SMG8: variants seen among roughly 807,000 people sequenced by gnomAD.
The protein encoded by SMG8 is nonsense-mediated mRNA decay factor SMG8.
A neutral mutation model predicts 82.1 loss-of-function variants in SMG8; 49 were observed. That is an observed-to-expected ratio of 0.60 (90% CI 0.47 to 0.76). SMG8 has a LOEUF of 0.76. Among genes scored for constraint, SMG8 ranks in the 30% least tolerant of loss-of-function variants. The pLI is 0.00. For missense variants in SMG8, 969 were observed against 1,166.4 expected (o/e 0.83, Z 2.46); for synonymous variants, 404 against 430.0 (o/e 0.94, Z 0.75).
intron 1 of SMG8, 48 bp from the exon 2 acceptor site, chr17:59,212,293 T>G: frequency 6.7e-6 from 10 of 1,499,004 alleles, no homozygotes; most frequent in Non-Finnish European, 9.0e-6. Context: ...GCAAAGTAAA[T>G]TCGCACATTG....
chr17:59,210,172 C>T lies in SMG8; in HGVS notation c.121C>T (p.Pro41Ser), dbSNP rs1422156408. Residue 41 changes from proline to serine, a missense_variant, in exon 1 of 4, where the codon CCA (proline) becomes TCA (serine). Coordinates refer to ENST00000300917, the MANE Select transcript of SMG8 (RefSeq NM_018149.7). ...GGSAAGGPEP[P>S]WREDEICVVG... The stretch of plus-strand genomic sequence containing the variant: ...GAGCGCGGCTGGCGGACCGGAGCCT[C>T]CATGGCGGGAGGATGAGATCTGCGT... 1 of 1,593,136 alleles carries T rather than the reference C, an allele frequency of 6.3e-7. No individual in the cohort carries two copies. The highest frequency in any genetic ancestry group is 1.3e-5 in the African/African-American group (1 of 74,460).
Position 59,213,422 on chromosome 17 carries a change from G to T in SMG8, c.2599G>T (p.Val867Leu). 5 of 1,614,166 alleles carry T rather than the reference G, an allele frequency of 3.1e-6. No homozygotes were observed. In the South Asian group the frequency reaches 4.4e-5, roughly 14 times the overall value. The change falls in exon 3 of 4, where the codon GTA becomes TTA. Residue 867 changes from valine (V) to leucine (L), a missense_variant. Coordinates refer to ENST00000300917, the MANE Select transcript of SMG8 (RefSeq NM_018149.7). ...RRFMCSGPDK[V>L]MKVMGSGPKE... is the part of the protein sequence containing the mutation. ...ATTCATGTGCTCTGGGCCTGACAAA[G>T]TAATGAAAGTAATGGGAAGTGGGCC...
At position 59,211,197 on chromosome 17, in the gene SMG8, G is replaced by T. The variant is rs765725336; in HGVS notation, c.1146G>T (p.Met382Ile). The T allele has an allele frequency of 6.2e-7, 1 of 1,614,254 alleles. No homozygotes were observed. Among genetic ancestry groups the T allele is most frequent in the Non-Finnish European group, 8.5e-7 (1 of 1,180,040 alleles). ...CTGGGCCTAGGCGATACCAGGTGAT[G>T]AGGCAGCACAGCCGACAACAACTTT... ...PLSGPRRYQVMRQHSRQQLSF... is the reference protein window; with the variant it reads ...PLSGPRRYQVIRQHSRQQLSF... The change falls in exon 1 of 4, where the codon ATG (methionine) becomes ATT (isoleucine). Residue 382 changes from methionine (M) to isoleucine (I), a missense_variant. Around this residue, in one of 3 missense-constraint regions of SMG8, gnomAD observed 662 missense variants for 884.8 expected, o/e 0.75. Coordinates refer to ENST00000300917, the MANE Select transcript of SMG8 (RefSeq NM_018149.7).
At chr17:59,214,596 A>G (rs1339664817) in intron 3 of SMG8, among the ~76,000 whole-genome samples, 5 of 151,960 alleles carry the variant, frequency 3.3e-5, no homozygotes, top group South Asian at 4.2e-4. Context: ...TTTAGTAGAC[A>G]TGGGGTTTCT....
chr17:59,211,534 T>C lies in SMG8; in HGVS notation c.1483T>C (p.Phe495Leu). ...LEGFLDIDTK[F>L]SENRCQKALP... ...AGGATTTTTGGATATTGACACAAAA[T>C]TCTCAGAAAACCGATGCCAAAAAGC... is the stretch of plus-strand genomic sequence containing the variant. Residue 495 changes from phenylalanine to leucine, a missense_variant, in exon 1 of 4, where the codon TTC becomes CTC. By Grantham distance (22) the Phe-to-Leu change is conservative. Around this residue, in one of 3 missense-constraint regions of SMG8, gnomAD observed 662 missense variants for 884.8 expected, o/e 0.75. Transcript: ENST00000300917. 1.2e-6 allele frequency: 2 copies of C among 1,614,050 alleles called. No homozygotes were observed. Among genetic ancestry groups the C allele is most frequent in the Non-Finnish European group, 1.7e-6 (2 of 1,180,024 alleles).
At position 59,210,973 on chromosome 17, in the gene SMG8, A is replaced by G. The variant is rs1418494540; in HGVS notation, c.922A>G (p.Ile308Val). Reference sequence around the variant, plus strand: ...GCTGCAGCATGCCCTGGAGGACCAGATCTATAGAATCTTCCGGAAGAGTCG... The same window carrying G: ...GCTGCAGCATGCCCTGGAGGACCAGGTCTATAGAATCTTCCGGAAGAGTCG... ...RRLQHALEDQ[I>V]YRIFRKSRVL... The change falls in exon 1 of 4, where the codon ATC becomes GTC. Residue 308 changes from isoleucine to valine, a missense_variant. Physicochemically the swap from Ile to Val is conservative, Grantham distance 29. Coordinates refer to ENST00000300917, the MANE Select transcript of SMG8 (RefSeq NM_018149.7). 6.2e-6 allele frequency: 10 copies of G among 1,614,214 alleles called. No homozygotes were observed. In the South Asian group the frequency reaches 1.1e-4, roughly 18 times the overall value.
At position 59,213,608 on chromosome 17, in the gene SMG8, A is replaced by T. The variant is rs1187643764; in HGVS notation, c.2778+7A>T. 20 of 1,584,806 alleles carry T rather than the reference A, an allele frequency of 1.3e-5. No individual in the cohort carries two copies. Among genetic ancestry groups the T allele is most frequent in the Non-Finnish European group, 1.7e-5 (20 of 1,168,518 alleles). On this transcript the variant is annotated splice_region_variant and intron_variant, in intron 3 of 3. Coordinates refer to ENST00000300917, the MANE Select transcript of SMG8 (RefSeq NM_018149.7). ...GATAATACTAATGCCTCAGGTAAGA[A>T]ATATAACCCTCTGCAGCCCCAAACA... is the stretch of plus-strand genomic sequence containing the variant.
chr17:59,212,581 A>G, intron 2 of SMG8, 95 bp downstream of exon 2: 2 of 1,501,746 alleles, frequency 1.3e-6, no homozygotes, highest in Non-Finnish European at 1.8e-6. Flanking sequence ...TAAGTAGAAA[A>G]GCAAATGCAA....
Position 59,210,331 on chromosome 17 carries a change from A to C in SMG8, c.280A>C (p.Thr94Pro). ...DPGDPGPGIR[T>P]EAGAVGEAGG... ...TGGGGATCCAGGACCTGGAATCAGA[A>C]CTGAGGCTGGCGCCGTGGGTGAGGC... Residue 94 changes from threonine (T) to proline (P), a missense_variant, in exon 1 of 4, where the codon ACT (threonine) becomes CCT (proline). Transcript: ENST00000300917. The C allele has an allele frequency of 6.2e-7, 1 of 1,612,752 alleles. No individual in the cohort carries two copies. Among genetic ancestry groups the C allele is most frequent in the Non-Finnish European group, 8.5e-7 (1 of 1,179,602 alleles).
Position 59,214,933 on chromosome 17 carries a change from C to G in SMG8, c.2907C>G (p.Pro969=), listed in dbSNP as rs375219524. The part of the protein sequence containing the change: ...AYVTERGPCF[P]PKENVQLMSY... ...TGACTGAGAGAGGACCTTGTTTCCCCCCTAAGGAAAATGTGCAGTTAATGA... is the reference window on the plus strand; with the variant it reads ...TGACTGAGAGAGGACCTTGTTTCCCGCCTAAGGAAAATGTGCAGTTAATGA... Residue 969 remains proline (P), a synonymous_variant, in exon 4 of 4, where the codon CCC becomes CCG. Coordinates refer to ENST00000300917, the MANE Select transcript of SMG8 (RefSeq NM_018149.7). The G allele has an allele frequency of 6.4e-5, 56 of 872,776 alleles. No homozygotes were observed. Among genetic ancestry groups the G allele is most frequent in the Non-Finnish European group, 9.6e-5 (48 of 501,680 alleles). 54.1% of individuals were successfully genotyped at this position (872,776 alleles called of 1,614,324 possible).
At position 59,210,683 on chromosome 17, in the gene SMG8, T is replaced by C. The variant is rs146018691; in HGVS notation, c.632T>C (p.Leu211Pro). 1.4e-4 allele frequency: 224 copies of C among 1,614,038 alleles called. No homozygotes were observed. The highest frequency in any genetic ancestry group is 1.9e-4 in the Non-Finnish European group (220 of 1,180,020). Reference sequence around the variant, plus strand: ...CTATTCTCTGTCTGTCATATCTTGCTTCTGGTCCATCCCACTTGTTCCTTT... The same window carrying C: ...CTATTCTCTGTCTGTCATATCTTGCCTCTGGTCCATCCCACTTGTTCCTTT... ...LYLFSVCHIL[L>P]LVHPTCSFDI... is the part of the protein sequence containing the mutation. Residue 211 changes from leucine (L) to proline (P), a missense_variant, in exon 1 of 4, where the codon CTT becomes CCT. Coordinates refer to ENST00000300917, the MANE Select transcript of SMG8 (RefSeq NM_018149.7).
intron 3 of SMG8, among the ~76,000 whole-genome samples, chr17:59,213,807 T>G (rs182443176): frequency 5.9e-5 from 9 of 152,156 alleles, no homozygotes; most frequent in Admixed American, 5.2e-4. Context: ...AGCAACATAG[T>G]GAGACTTGTA....
chr17:59,214,487 T>A (rs1290458461), intron 3 of SMG8, among the ~76,000 whole-genome samples: 2 of 151,864 alleles, frequency 1.3e-5, no homozygotes, highest in Non-Finnish European at 2.9e-5. Flanking sequence ...CTCAGCTCAC[T>A]GCACCTCCGC....
chr17:59,211,657 A>C lies in SMG8; in HGVS notation c.1606A>C (p.Ser536Arg). Residue 536 changes from serine (S) to arginine (R), a missense_variant, in exon 1 of 4, where the codon AGT becomes CGT. By Grantham distance (110) the Ser-to-Arg change is moderately radical. Around this residue, in one of 3 missense-constraint regions of SMG8, gnomAD observed 662 missense variants for 884.8 expected, o/e 0.75. Transcript: ENST00000300917. ...NQLAQALRVYSQHARGPAFHK... is the reference protein window; with the variant it reads ...NQLAQALRVYRQHARGPAFHK... The stretch of plus-strand genomic sequence containing the variant: ...GCTTGCCCAGGCTCTTCGAGTGTAC[A>C]GTCAACATGCTAGAGGTCCAGCATT... 1 of 1,614,036 alleles carries C rather than the reference A, an allele frequency of 6.2e-7. No individual in the cohort carries two copies. The highest frequency in any genetic ancestry group is 1.1e-5 in the South Asian group (1 of 91,054).
Position 59,211,293 on chromosome 17 carries a change from A to T in SMG8, c.1242A>T (p.Leu414=). Residue 414 remains leucine, a synonymous_variant, in exon 1 of 4, where the codon CTA becomes CTT. Transcript: ENST00000300917. ...QLVDFTLREF[L]WQHVELVLSK... ...TGGATTTCACTCTTCGGGAATTCCTATGGCAGCATGTGGAGCTAGTTCTAA... is the reference window on the plus strand; with the variant it reads ...TGGATTTCACTCTTCGGGAATTCCTTTGGCAGCATGTGGAGCTAGTTCTAA... 2 of 1,614,040 alleles carry T rather than the reference A, an allele frequency of 1.2e-6. No homozygotes were observed. The highest frequency in any genetic ancestry group is 4.5e-5 in the East Asian group (2 of 44,872).
chr17:59,212,601 A>G (rs1019111983), intron 2 of SMG8, 115 bp downstream of exon 2: 11 of 1,463,998 alleles, frequency 7.5e-6, no homozygotes, highest in Non-Finnish European at 9.2e-6. Context: ...ACTGCAGTAT[A>G]ATATATAAAC....
At position 59,211,560 on chromosome 17, in the gene SMG8, T is replaced by G. The variant is rs774540224; in HGVS notation, c.1509T>G (p.Ala503=). The part of the protein sequence containing the change: ...TKFSENRCQK[A]LPMAHSAYQS... ...TCTCAGAAAACCGATGCCAAAAAGC[T>G]TTACCCATGGCCCACAGTGCCTACC... Residue 503 remains alanine, a synonymous_variant, in exon 1 of 4, where the codon GCT becomes GCG. Transcript: ENST00000300917. 21 of 1,614,024 alleles carry G rather than the reference T, an allele frequency of 1.3e-5. No individual in the cohort carries two copies. In the East Asian group the frequency reaches 4.7e-4, roughly 36 times the overall value.
At position 59,213,620 on chromosome 17, in the gene SMG8, T is replaced by C; in HGVS notation, c.2778+19T>C. The C allele has an allele frequency of 1.9e-6, 3 of 1,566,276 alleles. No individual in the cohort carries two copies. The highest frequency in any genetic ancestry group is 2.6e-6 in the Non-Finnish European group (3 of 1,160,844). On this transcript the variant is annotated intron_variant, in intron 3 of 3. Coordinates refer to ENST00000300917, the MANE Select transcript of SMG8 (RefSeq NM_018149.7). ...GCCTCAGGTAAGAAATATAACCCTCTGCAGCCCCAAACAAGTAAAAAATGC... is the reference window on the plus strand; with the variant it reads ...GCCTCAGGTAAGAAATATAACCCTCCGCAGCCCCAAACAAGTAAAAAATGC...
chr17:59,213,781 G>GTT (rs2046955738), intron 3 of SMG8, among the ~76,000 whole-genome samples, 180 bp downstream of exon 3: 1 of 152,114 alleles, frequency 6.6e-6, no homozygotes, highest in African/African-American at 2.4e-5. Flanking sequence ...GAGCCCAGGA[G>GTT]TTTAAGACCA....
Sources: allele counts gnomAD v4.1 joint callset (sites outside exome capture counted in the v4.1 genomes callset), GRCh38; gene constraint gnomAD v4.1.1; regional missense constraint gnomAD v4.1.1; transcripts MANE v1.5; gene names NCBI Gene and HGNC (gene_info 2026-07-23, HGNC 2026-07-21).